Variants in NLGN4Y observed in about 807,000 individuals in gnomAD.
NLGN4Y encodes neuroligin 4 Y-linked.
Under a neutral mutation model 8.4 loss-of-function variants are expected in NLGN4Y, and 4 were observed. The observed-to-expected ratio is 0.48, with a 90% confidence interval of 0.23 to 1.09. NLGN4Y has a LOEUF of 1.09. NLGN4Y is among the 50% of genes least tolerant of loss of function. The pLI, the probability that NLGN4Y is intolerant of heterozygous loss-of-function variation, is 0.19. For synonymous variants in NLGN4Y, 35 were observed against 75.6 expected, an observed-to-expected ratio of 0.46 and a Z score of 2.78; for missense variants, 90 against 192.3, an observed-to-expected ratio of 0.47 and a Z score of 3.15.
chrY:14,529,081 G>A, intron 1 of NLGN4Y, among the ~76,000 whole-genome samples: 1 of 32,419 alleles, frequency 3.1e-5, no homozygotes, highest in African/African-American at 1.2e-4. Flanking sequence ...CCCCAGACAT[G>A]TGATTTTATT....
intron 1 of NLGN4Y, among the ~76,000 whole-genome samples, chrY:14,532,897 T>C (rs758731203): frequency 6.7e-5 from 2 of 29,741 alleles, no homozygotes; most frequent in African/African-American, 2.7e-4. Flanking sequence ...TCCTTCCTTC[T>C]TTCCTTCCTT....
At chrY:14,712,105 C>T (rs2080901457) in intron 2 of NLGN4Y, among the ~76,000 whole-genome samples, 1 of 29,778 alleles carries the variant, frequency 3.4e-5, no homozygotes, top group Non-Finnish European at 7.9e-5. Context: ...CCATCTTATA[C>T]GTATTTCTAT....
At chrY:14,588,223 A>G (rs771473141) in intron 1 of NLGN4Y, among the ~76,000 whole-genome samples, 1 of 33,881 alleles carries the variant, frequency 3.0e-5, no homozygotes, top group East Asian at 7.6e-4. Flanking sequence ...TGATAAAGAC[A>G]TAACTGAGAC....
intron 1 of NLGN4Y, among the ~76,000 whole-genome samples, chrY:14,562,551 T>C (rs943243110): frequency 3.0e-5 from 1 of 33,637 alleles, no homozygotes; most frequent in Non-Finnish European, 7.4e-5. Flanking sequence ...TTTGGTTCCA[T>C]ATGAAGTTTA....
intron 1 of NLGN4Y, among the ~76,000 whole-genome samples, chrY:14,567,616 C>A (rs2080257194): frequency 3.4e-5 from 1 of 29,849 alleles, no homozygotes; most frequent in Non-Finnish European, 7.9e-5. Context: ...CAGCTTTGAC[C>A]TTCTGTGCTC....
At chrY:14,709,570 G>C in intron 2 of NLGN4Y, among the ~76,000 whole-genome samples, 1 of 33,101 alleles carries the variant, frequency 3.0e-5, no homozygotes, top group Non-Finnish European at 7.4e-5. Flanking sequence ...AAAATTAGCC[G>C]GGAATGGTGG....
chrY:14,706,552 A>C, intron 2 of NLGN4Y, among the ~76,000 whole-genome samples: 17 of 31,329 alleles, frequency 5.4e-4, no homozygotes, highest in African/African-American at 2.1e-3. Flanking sequence ...TCTTGGGATT[A>C]CAGGCATGTG....
chrY:14,791,253 G>C (rs762812261), intron 4 of NLGN4Y, among the ~76,000 whole-genome samples: 1 of 33,280 alleles, frequency 3.0e-5, no homozygotes, highest in South Asian at 6.7e-4. Context: ...ACCCTGAACA[G>C]AGAATGAGAA....
At chrY:14,633,527 G>A (rs772460439) in intron 2 of NLGN4Y, among the ~76,000 whole-genome samples, 2 of 33,100 alleles carry the variant, frequency 6.0e-5, no homozygotes, top group African/African-American at 2.4e-4. Flanking sequence ...GGGTTTCACC[G>A]TGTTGGCCAG....
At chrY:14,758,553 T>C (rs2150569519) in intron 4 of NLGN4Y, among the ~76,000 whole-genome samples, 2 of 33,869 alleles carry the variant, frequency 5.9e-5, no homozygotes, top group South Asian at 6.5e-4. Context: ...ATTGGAACAG[T>C]GCACTAAGGC....
chrY:14,774,581 C>T (rs370174528), intron 4 of NLGN4Y, among the ~76,000 whole-genome samples: 1,282 of 32,831 alleles, frequency 0.039, no homozygotes, highest in Middle Eastern at 0.27. Flanking sequence ...ATTAGTTCAT[C>T]CATTGTGGAA....
chrY:14,671,532 TA>T (rs1462020242), intron 2 of NLGN4Y, among the ~76,000 whole-genome samples: 10 of 20,437 alleles, frequency 4.9e-4, no homozygotes, highest in East Asian at 1.2e-3. Flanking sequence ...CCCCATCCTT[TA>T]AAAAAAAAAA....
At chrY:14,710,130 A>T in intron 2 of NLGN4Y, among the ~76,000 whole-genome samples, 1 of 33,968 alleles carries the variant, frequency 2.9e-5, no homozygotes, top group Admixed American at 2.7e-4. Context: ...CAACTGTGTA[A>T]GCTTGGGCAA....
At chrY:14,653,264 G>GTA (rs1364806930) in intron 2 of NLGN4Y, among the ~76,000 whole-genome samples, 2 of 31,347 alleles carry the variant, frequency 6.4e-5, no homozygotes, top group Admixed American at 2.9e-4. Flanking sequence ...GTGTGTGTGT[G>GTA]TATATATATA....
Position 14,637,772 on chromosome Y carries a change from C to T in NLGN4Y, c.472+15181C>T, listed in dbSNP as rs559543919. ...CATGAGGTGTTACAAGGAGGGAAGA[C>T]AGCATACAAACATGATAGAATGACT... On this transcript the variant is annotated intron_variant, in intron 2 of 6. Coordinates refer to ENST00000684976, the MANE Select transcript of NLGN4Y (RefSeq NM_001365588.1). Among the ~76,000 whole-genome samples, 20 of 31,099 alleles carry T rather than the reference C, an allele frequency of 6.4e-4. No homozygotes were observed. In the South Asian group the frequency reaches 0.014, roughly 22 times the overall value. 83.4% of individuals were successfully genotyped at this position (31,099 alleles called of 37,273 possible). A position where few individuals can be genotyped will look rare whatever the true frequency, so the allele number is the denominator to read the frequency against.
At chrY:14,741,977 G>A (rs774237217) in intron 4 of NLGN4Y, among the ~76,000 whole-genome samples, 1 of 33,741 alleles carries the variant, frequency 3.0e-5, no homozygotes, top group Non-Finnish European at 7.4e-5. Flanking sequence ...TGCTGAAAAA[G>A]GTGTTTGAAT....
intron 1 of NLGN4Y, among the ~76,000 whole-genome samples, chrY:14,568,520 G>T: frequency 3.0e-5 from 1 of 33,306 alleles, no homozygotes; most frequent in African/African-American, 1.2e-4. Flanking sequence ...TAAAAATCAT[G>T]TTAATCATTG....
At chrY:14,598,883 GTATA>G (rs756147894) in intron 1 of NLGN4Y, among the ~76,000 whole-genome samples, 3 of 13,545 alleles carry the variant, frequency 2.2e-4, no homozygotes, top group Non-Finnish European at 4.6e-4. Flanking sequence ...AATAGGAGAT[GTATA>G]TATATATATA....
chrY:14,842,012 T>C lies in NLGN4Y; in HGVS notation c.*750T>C, dbSNP rs1307139386. ...ATTAGTCCTACCACCTTAGTTCCTC[T>C]ACAGCAAAAGAGGCTTTTCTTCTTA... On this transcript the variant is annotated 3_prime_UTR_variant, in exon 7 of 7. Coordinates refer to ENST00000684976, the MANE Select transcript of NLGN4Y (RefSeq NM_001365588.1). 2 of 121,755 alleles carry C rather than the reference T, an allele frequency of 1.6e-5. No homozygotes were observed. The highest frequency in any genetic ancestry group is 1.0e-4 in the Admixed American group (1 of 9,846). 30.4% of individuals were successfully genotyped at this position (121,755 alleles called of 400,897 possible).
Sources: allele counts gnomAD v4.1 joint callset (sites outside exome capture counted in the v4.1 genomes callset), GRCh38; gene constraint gnomAD v4.1.1; transcripts MANE v1.5; gene names NCBI Gene and HGNC (gene_info 2026-07-23, HGNC 2026-07-21).